Variants in TRAF3IP2 observed in about 807,000 individuals in gnomAD.
The protein encoded by TRAF3IP2 is TRAF3 interacting protein 2.
Under a neutral mutation model 57.9 loss-of-function variants are expected in TRAF3IP2, and 35 were observed. The ratio of observed to expected loss-of-function variants is 0.60; its 90% confidence interval spans 0.46 to 0.80. The LOEUF is 0.80. Ranked by LOEUF, TRAF3IP2 falls within the 30% of genes least tolerant of loss-of-function variation. The probability of loss-of-function intolerance (pLI) is 0.00; values close to 1 mark genes in which losing one functional copy is unlikely to be tolerated. For missense variants in TRAF3IP2, 556 were observed against 706.4 expected, an observed-to-expected ratio of 0.79 and a Z score of 2.41; for synonymous variants, 251 against 268.9, an observed-to-expected ratio of 0.93 and a Z score of 0.65.
intron 5 of TRAF3IP2, among the ~76,000 whole-genome samples, chr6:111,571,530 A>G (rs937933946): frequency 6.6e-6 from 1 of 152,128 alleles, no homozygotes; most frequent in African/African-American, 2.4e-5. Flanking sequence ...GCTTTCTTAT[A>G]CCAGAAATGA....
At chr6:111,564,857 A>G (rs1250962250) in intron 7 of TRAF3IP2, among the ~76,000 whole-genome samples, 1 of 152,110 alleles carries the variant, frequency 6.6e-6, no homozygotes, top group African/African-American at 2.4e-5. Flanking sequence ...CTTCCCACGC[A>G]CCAGCTGTCA....
chr6:111,577,870 C>G (rs751453228), intron 3 of TRAF3IP2, among the ~76,000 whole-genome samples: 4 of 152,088 alleles, frequency 2.6e-5, no homozygotes, highest in Admixed American at 6.5e-5. Context: ...TGCCACCACA[C>G]CCGGCTAATT....
chr6:111,559,276 G>T lies in TRAF3IP2; in HGVS notation c.*129C>A, dbSNP rs540931128. ...GCTCTGCACAACAGGTTTCCTGGGGGCCAGAGGGCCTCTCGGGGAGGAACA... is the reference window on the plus strand; with the variant it reads ...GCTCTGCACAACAGGTTTCCTGGGGTCCAGAGGGCCTCTCGGGGAGGAACA... On this transcript the variant is annotated 3_prime_UTR_variant, in exon 9 of 9. Coordinates refer to ENST00000368761, the MANE Select transcript of TRAF3IP2 (RefSeq NM_147686.4). 3.0e-6 allele frequency: 4 copies of T among 1,312,458 alleles called. No individual in the cohort carries two copies. The African/African-American group carries it at 4.4e-5, about 15-fold the overall frequency. 81.3% of individuals were successfully genotyped at this position (1,312,458 alleles called of 1,614,324 possible).
chr6:111,589,921 G>A (rs111839143), intron 2 of TRAF3IP2, among the ~76,000 whole-genome samples: 114 of 152,120 alleles, frequency 7.5e-4, no homozygotes, highest in Middle Eastern at 3.4e-3. Flanking sequence ...TTAAAGCTGC[G>A]CATCAGGCCT....
Position 111,572,931 on chromosome 6 carries a change from G to A in TRAF3IP2, c.1254C>T (p.Phe418=), listed in dbSNP as rs932934755. 5.0e-6 allele frequency: 8 copies of A among 1,613,980 alleles called. No homozygotes were observed. Among genetic ancestry groups the A allele is most frequent in the Middle Eastern group, 1.6e-4 (1 of 6,062 alleles). Residue 418 remains phenylalanine, a synonymous_variant, in exon 5 of 9, where the codon TTC becomes TTT. Transcript: ENST00000368761. ...AGCCATTTACCAACAAAAAGTTCACGAATTTCACCACCTCCATAGCTGTGT... is the reference window on the plus strand; with the variant it reads ...AGCCATTTACCAACAAAAAGTTCACAAATTTCACCACCTCCATAGCTGTGT... ...SMDTAMEVVK[F]VNFLLVNGFQ...
intron 5 of TRAF3IP2, among the ~76,000 whole-genome samples, chr6:111,570,746 A>G (rs560121518): frequency 6.6e-6 from 1 of 152,288 alleles, no homozygotes; most frequent in South Asian, 2.1e-4. Flanking sequence ...ATTTATTTAT[A>G]TTACAGACCT....
At chr6:111,580,421 A>T in intron 2 of TRAF3IP2, 32 bp from the exon 3 acceptor site, 6 of 1,514,854 alleles carry the variant, frequency 4.0e-6, no homozygotes, top group Non-Finnish European at 5.3e-6. Context: ...ACAACAGGGA[A>T]CATCAACTCT....
rs1245111198 is a variant in TRAF3IP2 at position 111,555,730 on chromosome 6, A to C, written c.*3675T>G. ...ACTTCCACCCCAAAAATATCTAAAG[A>C]TGAATGCCTGAGGACCAGCATAACA... On this transcript the variant is annotated 3_prime_UTR_variant, in exon 9 of 9. Transcript: ENST00000368761. Among the ~76,000 whole-genome samples, 1 of 152,188 alleles carries C rather than the reference A, an allele frequency of 6.6e-6. No individual in the cohort carries two copies. Among genetic ancestry groups the C allele is most frequent in the East Asian group, 1.9e-4 (1 of 5,194 alleles).
chr6:111,583,104 C>A (rs1459610291), intron 2 of TRAF3IP2, among the ~76,000 whole-genome samples: 1 of 152,214 alleles, frequency 6.6e-6, no homozygotes, highest in Non-Finnish European at 1.5e-5. Flanking sequence ...CTGTCAACTT[C>A]TTGCCTGCCT....
chr6:111,592,757 GT>G (rs142119405), intron 1 of TRAF3IP2, among the ~76,000 whole-genome samples: 12 of 151,010 alleles, frequency 7.9e-5, no homozygotes, highest in African/African-American at 2.7e-4. Flanking sequence ...AAATAAAAGT[GT>G]TTTTTTTTAA....
At chr6:111,580,847 T>TGCACACACACGTGCGC (rs748617761) in intron 2 of TRAF3IP2, among the ~76,000 whole-genome samples, 2,014 of 152,308 alleles carry the variant, frequency 0.013, 84 homozygotes, top group Admixed American at 0.08. Flanking sequence ...CACGTGCATG[T>TGCACACACACGTGCGC]GCACACACAC....
chr6:111,573,569 A>G (rs1452102407), intron 4 of TRAF3IP2: 3 of 150,432 alleles, frequency 2.0e-5, no homozygotes, highest in Non-Finnish European at 3.0e-5. Context: ...CACAGCTCAG[A>G]TATGTTAGTA....
At chr6:111,580,064 G>T in intron 3 of TRAF3IP2, 133 bp downstream of exon 3, 1 of 1,017,976 alleles carries the variant, frequency 9.8e-7, no homozygotes, top group Non-Finnish European at 1.4e-6. Flanking sequence ...AGTCTATATT[G>T]GGCATTCCAC....
intron 8 of TRAF3IP2, among the ~76,000 whole-genome samples, chr6:111,561,127 A>G (rs1795422725): frequency 6.6e-6 from 1 of 151,614 alleles, no homozygotes; most frequent in Non-Finnish European, 1.5e-5. Flanking sequence ...GGTTGCAGTG[A>G]GCTGAGATTG....
At chr6:111,596,410 A>G (rs1796691645) in intron 1 of TRAF3IP2, among the ~76,000 whole-genome samples, 1 of 152,004 alleles carries the variant, frequency 6.6e-6, no homozygotes, top group Non-Finnish European at 1.5e-5. Context: ...CTCCCACCTC[A>G]GTCTCCCAAG....
At chr6:111,592,649 T>C (rs1205602814) in intron 1 of TRAF3IP2, among the ~76,000 whole-genome samples, 1 of 152,170 alleles carries the variant, frequency 6.6e-6, no homozygotes, top group African/African-American at 2.4e-5. Context: ...CTGGTTGCCT[T>C]TGAGGATGGA....
At chr6:111,597,967 C>T (rs1796746774) in intron 1 of TRAF3IP2, 1 of 450,360 alleles carries the variant, frequency 2.2e-6, no homozygotes, top group African/African-American at 2.0e-5. Context: ...AGCACTGACT[C>T]CTCAGGGGAA....
rs1273824868 is a variant in TRAF3IP2 at position 111,592,106 on chromosome 6, G to A, written c.-8-12C>T. The A allele has an allele frequency of 6.2e-7, 1 of 1,604,300 alleles. No individual in the cohort carries two copies. The highest frequency in any genetic ancestry group is 8.5e-7 in the Non-Finnish European group (1 of 1,172,946). On this transcript the variant is annotated splice_polypyrimidine_tract_variant and intron_variant, in intron 1 of 8. Transcript: ENST00000368761. The stretch of plus-strand genomic sequence containing the variant: ...GTTCATTCTAGTTTCTGGAACAAGA[G>A]AAAACATGCTATAGCCTTAGAAGAC...
intron 1 of TRAF3IP2, among the ~76,000 whole-genome samples, chr6:111,605,356 G>A (rs978597077): frequency 2.6e-5 from 4 of 152,228 alleles, no homozygotes; most frequent in Non-Finnish European, 5.9e-5. Flanking sequence ...TGAGAAAACT[G>A]CCACTGACGT....
Sources: allele counts gnomAD v4.1 joint callset (sites outside exome capture counted in the v4.1 genomes callset), GRCh38; gene constraint gnomAD v4.1.1; transcripts MANE v1.5; gene names NCBI Gene and HGNC (gene_info 2026-07-23, HGNC 2026-07-21).